Variants in WDR12 observed in about 807,000 individuals in gnomAD.
WDR12 encodes the protein WD repeat domain 12, also known as ribosome biogenesis protein WDR12.
A neutral mutation model predicts 64.3 loss-of-function variants in WDR12; 42 were observed. The observed-to-expected ratio is 0.65, with a 90% confidence interval of 0.51 to 0.84. The LOEUF is 0.84. WDR12 is among the 40% of genes least tolerant of loss of function. The pLI, the probability that WDR12 is intolerant of heterozygous loss-of-function variation, is 0.00. For missense variants in WDR12, 469 were observed against 494.6 expected (o/e 0.95, Z 0.49); for synonymous variants, 158 against 173.3 (o/e 0.91, Z 0.70).
At chr2:202,900,638 G>C (rs1024488290) in intron 3 of WDR12, among the ~76,000 whole-genome samples, 5 of 152,112 alleles carry the variant, frequency 3.3e-5, no homozygotes, top group Non-Finnish European at 4.4e-5. Context: ...AAAAATAACA[G>C]TAACTTAACC....
intron 2 of WDR12, among the ~76,000 whole-genome samples, chr2:202,901,967 T>C (rs540484694): frequency 4.6e-5 from 7 of 152,340 alleles, no homozygotes; most frequent in Admixed American, 2.0e-4. Flanking sequence ...AGACCCATCA[T>C]AGGGCTTGGA....
At chr2:202,893,354 A>G (rs1457461534) in intron 7 of WDR12, among the ~76,000 whole-genome samples, 3 of 152,114 alleles carry the variant, frequency 2.0e-5, no homozygotes, top group African/African-American at 7.2e-5. Context: ...ATGGATATTA[A>G]TATTTCTCAA....
intron 4 of WDR12, among the ~76,000 whole-genome samples, chr2:202,898,529 T>C (rs770784171): frequency 1.3e-5 from 2 of 152,210 alleles, no homozygotes; most frequent in African/African-American, 2.4e-5. Flanking sequence ...TAACTTTATG[T>C]AATAACTCCA....
At chr2:202,903,452 G>GAAGA (rs1384771094) in intron 2 of WDR12, among the ~76,000 whole-genome samples, 73 of 9,324 alleles carry the variant, frequency 7.8e-3, no homozygotes, top group African/African-American at 9.9e-3. Flanking sequence ...CAGATGGAAG[G>GAAGA]AAGGAAGGAA....
intron 7 of WDR12, among the ~76,000 whole-genome samples, chr2:202,893,975 G>A (rs867762071): frequency 2.8e-4 from 42 of 151,940 alleles, no homozygotes; most frequent in African/African-American, 9.7e-4. Flanking sequence ...AAAATGGCTC[G>A]GAAAGTATTT....
chr2:202,901,190 T>C, intron 2 of WDR12, 71 bp from the exon 3 acceptor site: 1 of 1,165,272 alleles, frequency 8.6e-7, no homozygotes, highest in Non-Finnish European at 1.2e-6. Flanking sequence ...ATATGAGAAC[T>C]CCCAAAACAA....
rs200828348 is a variant in WDR12 at position 202,899,599 on chromosome 2, A to G, written c.270T>C (p.Thr90=). Residue 90 remains threonine (T), a synonymous_variant, in exon 4 of 13, where the codon ACT becomes ACC. Transcript: ENST00000261015. ...VVEIEYVEKY[T]APQPEQCMFH... ...ACATGCATTGCTCTGGCTGGGGTGC[A>G]GTATACTTCTCCACGTATTCTATTT... 1.8e-5 allele frequency: 29 copies of G among 1,614,194 alleles called. No homozygotes were observed. In the African/African-American group the frequency reaches 3.7e-4, roughly 21 times the overall value.
chr2:202,884,065 C>A, intron 10 of WDR12, 133 bp downstream of exon 10: 1 of 860,748 alleles, frequency 1.2e-6, no homozygotes. Flanking sequence ...CCCGCCTCGG[C>A]CTCTCAAAGT....
At position 202,879,422 on chromosome 2, in the gene WDR12, C is replaced by A. The variant is rs1687913166; in HGVS notation, c.*1438G>T. 1 of 151,442 alleles carries A rather than the reference C, an allele frequency of 6.6e-6. No homozygotes were observed. The highest frequency in any genetic ancestry group is 6.6e-5 in the Admixed American group (1 of 15,206). The allele number at this position is 151,442 out of a possible 1,614,324, so 9.4% of individuals were successfully genotyped here. A position where few individuals can be genotyped will look rare whatever the true frequency, so the allele number is the denominator to read the frequency against. ...GATGAATTCTTCAAAAATTGGCAAT[C>A]TACTTGTCTTTATTTTGAGATAGAG... On this transcript the variant is annotated 3_prime_UTR_variant, in exon 13 of 13. Transcript: ENST00000261015.
rs569693293 is a variant in WDR12 at position 202,906,056 on chromosome 2, T to A, written c.136+1809A>T. ...TGTTTGTAACACAAAGGATAAATGCTTGAGGTGATGGATACCTCATTTACC... is the reference window on the plus strand; with the variant it reads ...TGTTTGTAACACAAAGGATAAATGCATGAGGTGATGGATACCTCATTTACC... On this transcript the variant is annotated intron_variant, in intron 2 of 12. Coordinates refer to ENST00000261015, the MANE Select transcript of WDR12 (RefSeq NM_018256.4). Among the ~76,000 whole-genome samples the A allele has an allele frequency of 3.9e-4, 59 of 152,320 alleles. No individual in the cohort carries two copies. In the South Asian group the frequency reaches 9.5e-3, roughly 25 times the overall value.
At chr2:202,895,855 G>C in intron 6 of WDR12, 2 of 483,510 alleles carry the variant, frequency 4.1e-6, no homozygotes, top group East Asian at 7.9e-5. Flanking sequence ...AAAATTTCTG[G>C]AGTTTATATA....
intron 8 of WDR12, among the ~76,000 whole-genome samples, chr2:202,889,354 C>T (rs975660541): frequency 1.3e-5 from 2 of 151,934 alleles, no homozygotes; most frequent in Non-Finnish European, 2.9e-5. Context: ...TAAGTAAAAA[C>T]AAAGCAAAAC....
chr2:202,906,551 G>C (rs1489745977), intron 2 of WDR12, among the ~76,000 whole-genome samples: 4 of 152,154 alleles, frequency 2.6e-5, no homozygotes, highest in Non-Finnish European at 5.9e-5. Flanking sequence ...TGCAGCATTG[G>C]AAACATCTGC....
rs1198340755 is a variant in WDR12 at position 202,874,429 on chromosome 2, T to C, written c.*6431A>G. Among the ~76,000 whole-genome samples, 1 of 152,188 alleles carries C rather than the reference T, an allele frequency of 6.6e-6. No individual in the cohort carries two copies. Among genetic ancestry groups the C allele is most frequent in the East Asian group, 1.9e-4 (1 of 5,194 alleles). The stretch of plus-strand genomic sequence containing the variant: ...CATTAGATGACTTGGAATGTAGGGC[T>C]CCACAAATGGGATCCAAACCTAGAG... On this transcript the variant is annotated 3_prime_UTR_variant, in exon 13 of 13. Transcript: ENST00000261015.
intron 3 of WDR12, 49 bp downstream of exon 3, chr2:202,900,976 A>G (rs1484150954): frequency 6.7e-7 from 1 of 1,482,106 alleles, no homozygotes; most frequent in Non-Finnish European, 9.3e-7. Flanking sequence ...TACCTACAAT[A>G]GCCGATAATG....
Position 202,891,675 on chromosome 2 carries a change from A to G in WDR12, c.741+942T>C, listed in dbSNP as rs528912028. Among the ~76,000 whole-genome samples the G allele has an allele frequency of 1.3e-3, 192 of 152,354 alleles. 6 individuals are homozygous for G. The highest frequency in any genetic ancestry group is 2.2e-3 in the Admixed American group (33 of 15,296). Reference sequence around the variant, plus strand: ...TTTACAAGATATTTTATTGGTGACTATAAGAATTAATGTGCAAATGTGTGC... The same window carrying G: ...TTTACAAGATATTTTATTGGTGACTGTAAGAATTAATGTGCAAATGTGTGC... On this transcript the variant is annotated intron_variant, in intron 8 of 12. Transcript: ENST00000261015.
At chr2:202,891,831 T>TA (rs1688161857) in intron 8 of WDR12, among the ~76,000 whole-genome samples, 1 of 152,164 alleles carries the variant, frequency 6.6e-6, no homozygotes, top group Admixed American at 6.6e-5. Flanking sequence ...AATATCTTTG[T>TA]AACAGGATAA....
chr2:202,901,623 T>G (rs1688350656), intron 2 of WDR12, among the ~76,000 whole-genome samples: 1 of 152,236 alleles, frequency 6.6e-6, no homozygotes, highest in Admixed American at 6.5e-5. Context: ...TCAGCATCCA[T>G]AATCCATACA....
chr2:202,891,359 A>C (rs1395747017), intron 8 of WDR12, among the ~76,000 whole-genome samples: 1 of 152,170 alleles, frequency 6.6e-6, no homozygotes, highest in Admixed American at 6.5e-5. Flanking sequence ...CATGTTGCCC[A>C]GGCTGCTCTC....
Sources: allele counts gnomAD v4.1 joint callset (sites outside exome capture counted in the v4.1 genomes callset), GRCh38; gene constraint gnomAD v4.1.1; transcripts MANE v1.5; gene names NCBI Gene and HGNC (gene_info 2026-07-23, HGNC 2026-07-21).